The following NCKAP5 variants were observed in gnomAD, a reference collection of about 807,000 sequenced individuals.
The protein encoded by NCKAP5 is nck-associated protein 5.
NCKAP5 carries 92 observed loss-of-function variants against 167.0 expected under a neutral mutation model. That is an observed-to-expected ratio of 0.55 (90% CI 0.47 to 0.66). NCKAP5 has a LOEUF of 0.66. NCKAP5 is among the 30% of genes least tolerant of loss of function. The pLI is 0.00. For synonymous variants in NCKAP5, 891 were observed against 877.4 expected (o/e 1.02, Z -0.27); for missense variants, 2,378 against 2,315.0 (o/e 1.03, Z -0.56).
intron 6 of NCKAP5, among the ~76,000 whole-genome samples, chr2:133,095,305 T>C (rs1001778970): frequency 6.6e-6 from 1 of 152,200 alleles, no homozygotes; most frequent in Non-Finnish European, 1.5e-5. Flanking sequence ...TGGTAAACCA[T>C]TTTCAAGGAT....
intron 16 of NCKAP5, among the ~76,000 whole-genome samples, chr2:132,751,475 T>A (rs988572256): frequency 1.3e-5 from 2 of 152,190 alleles, no homozygotes; most frequent in African/African-American, 4.8e-5. Context: ...ACAAATGGAC[T>A]GAGATACTTG....
In NCKAP5 at chr2:133,019,675, C is replaced by T. The variant is rs1049309200; in HGVS notation, c.342-25436G>A. ...CATTTGAACACTAGACCTAAGAGTG[C>T]ATTGGATGTATCTAATCATATTAGA... On this transcript the variant is annotated intron_variant, in intron 6 of 19. Transcript: ENST00000409261. Among the ~76,000 whole-genome samples the T allele has an allele frequency of 2.0e-5, 3 of 152,296 alleles. 1 individual carries two copies.
chr2:133,333,066 G>GC (rs1433150886), intron 3 of NCKAP5, among the ~76,000 whole-genome samples: 1 of 152,200 alleles, frequency 6.6e-6, no homozygotes, highest in Non-Finnish European at 1.5e-5. Flanking sequence ...TCTAAAACGT[G>GC]CCCTTGTTTG....
At chr2:132,992,015 G>A (rs796755124) in intron 7 of NCKAP5, among the ~76,000 whole-genome samples, 5 of 152,258 alleles carry the variant, frequency 3.3e-5, no homozygotes, top group East Asian at 1.9e-4. Context: ...CTCTTTTCTC[G>A]TTTCTTGAAT....
intron 3 of NCKAP5, among the ~76,000 whole-genome samples, chr2:133,406,524 C>G (rs953605559): frequency 2.3e-5 from 3 of 128,058 alleles, no homozygotes; most frequent in African/African-American, 8.8e-5. Context: ...GGACCTGCCT[C>G]ATTCATTCTT....
rs1017739511 is a variant in NCKAP5, at chr2:132,785,281, A to G, written c.1530T>C (p.Ser510=). 17 of 1,590,648 alleles carry G rather than the reference A, an allele frequency of 1.1e-5. No homozygotes were observed. In the African/African-American group the frequency reaches 1.2e-4, roughly 11 times the overall value. The change falls in exon 14 of 20, where the codon AGT becomes AGC. Residue 510 remains serine (S), a synonymous_variant. Transcript: ENST00000409261. ...GSKLTHSVSD[S]LFGWETNRKH... ...TTCTGTTTGTCTCCCAGCCAAACAG[A>G]CTGTCGGAAACACTGTGGGTTAATT...
At chr2:132,719,837 G>A (rs1209527256) in intron 19 of NCKAP5, among the ~76,000 whole-genome samples, 4 of 152,320 alleles carry the variant, frequency 2.6e-5, no homozygotes, top group South Asian at 4.1e-4. Context: ...CAAGGATGGC[G>A]AGACATTCAG....
chr2:133,626,594 T>G, the NCKAP5 span, among the ~76,000 whole-genome samples: 1 of 152,084 alleles, frequency 6.6e-6, no homozygotes, highest in Non-Finnish European at 1.5e-5. Flanking sequence ...ATTGCAAAAA[T>G]TTTATATTAT....
At chr2:133,342,828 A>G (rs1036017177) in intron 3 of NCKAP5, among the ~76,000 whole-genome samples, 6 of 152,182 alleles carry the variant, frequency 3.9e-5, no homozygotes, top group Non-Finnish European at 8.8e-5. Flanking sequence ...CAGATTTCAC[A>G]GTGTTGTGAT....
In NCKAP5 at chr2:133,491,986, C is replaced by G. The variant is rs1385189045; in HGVS notation, c.69+25472G>C. ...ATGGTAAACAGGGCTTTTTCCATTT[C>G]TTCTCTATGTTACCTTCTCCAGGAG... is the stretch of plus-strand genomic sequence containing the variant. On this transcript the variant is annotated intron_variant, in intron 3 of 19. Coordinates refer to ENST00000409261, the MANE Select transcript of NCKAP5 (RefSeq NM_207363.3). 4.6e-5 allele frequency among the ~76,000 whole-genome samples: 7 copies of G among 152,040 alleles called. No homozygotes were observed. The East Asian group carries it at 1.3e-3, about 29-fold the overall frequency.
At chr2:133,398,087 A>T (rs16824303) in intron 3 of NCKAP5, among the ~76,000 whole-genome samples, 43,061 of 151,836 alleles carry the variant, frequency 0.28, 6,544 homozygotes, top group African/African-American at 0.38. Context: ...ATGGAGGAGC[A>T]AAGCCATGGA....
chr2:133,374,494 G>A (rs1267572515), intron 3 of NCKAP5, among the ~76,000 whole-genome samples: 1 of 152,164 alleles, frequency 6.6e-6, no homozygotes, highest in Non-Finnish European at 1.5e-5. Flanking sequence ...CGACCATGAT[G>A]TGTCAATGTT....
chr2:132,906,875 C>A (rs1405023915), intron 8 of NCKAP5, among the ~76,000 whole-genome samples: 1 of 152,152 alleles, frequency 6.6e-6, no homozygotes, highest in Non-Finnish European at 1.5e-5. Flanking sequence ...AACAGCAATT[C>A]TCCAAATATT....
chr2:132,955,518 T>C (rs780622112), intron 8 of NCKAP5, among the ~76,000 whole-genome samples: 1 of 152,232 alleles, frequency 6.6e-6, no homozygotes, highest in Non-Finnish European at 1.5e-5. Context: ...TAGTATTCTA[T>C]GGTGTATATG....
chr2:133,139,023 C>T (rs962972497), intron 5 of NCKAP5, among the ~76,000 whole-genome samples: 4 of 152,180 alleles, frequency 2.6e-5, no homozygotes, highest in Non-Finnish European at 2.9e-5. Flanking sequence ...GGACAACACC[C>T]TGGATGCCAG....
At chr2:132,850,353 T>C (rs1415974518) in intron 11 of NCKAP5, among the ~76,000 whole-genome samples, 1 of 152,208 alleles carries the variant, frequency 6.6e-6, no homozygotes. Context: ...CCTTTCCTTA[T>C]GTAGGCCTGG....
intron 6 of NCKAP5, among the ~76,000 whole-genome samples, chr2:133,128,914 G>C (rs1435084636): frequency 6.7e-6 from 1 of 148,244 alleles, no homozygotes; most frequent in Non-Finnish European, 1.5e-5. Context: ...AAGTGTTCTA[G>C]TGATATCTTT....
At chr2:133,460,363 G>C (rs6430422) in intron 3 of NCKAP5, among the ~76,000 whole-genome samples, 39,809 of 152,032 alleles carry the variant, frequency 0.26, 5,466 homozygotes, top group East Asian at 0.39. Context: ...TAAATCTTAA[G>C]AAGAAGGCCA....
intron 2 of NCKAP5, among the ~76,000 whole-genome samples, chr2:133,531,936 C>T (rs1318323981): frequency 6.6e-6 from 1 of 152,196 alleles, no homozygotes; most frequent in Non-Finnish European, 1.5e-5. Flanking sequence ...TAGCCCCATT[C>T]CCCTATTCTA....
Sources: allele counts gnomAD v4.1 joint callset (sites outside exome capture counted in the v4.1 genomes callset), GRCh38; gene constraint gnomAD v4.1.1; transcripts MANE v1.5; gene names NCBI Gene and HGNC (gene_info 2026-07-23, HGNC 2026-07-21).